KMT2C: variants seen among roughly 807,000 people sequenced by gnomAD.
KMT2C encodes the protein lysine methyltransferase 2C.
A neutral mutation model predicts 507.9 loss-of-function variants in KMT2C; 88 were observed. That is an observed-to-expected ratio of 0.17 (90% CI 0.15 to 0.21). The LOEUF (loss-of-function observed/expected upper bound fraction) is 0.21, where lower values mean the gene tolerates loss of function less well. Among genes scored for constraint, KMT2C ranks in the 10% least tolerant of loss-of-function variants. The pLI is 1.00. For missense variants in KMT2C, 4,954 were observed against 5,957.8 expected (o/e 0.83, Z 5.55); for synonymous variants, 2,049 against 2,080.8 (o/e 0.98, Z 0.42).
chr7:152,205,395 C>CAAAAAAAAA (rs35077313), intron 24 of KMT2C, among the ~76,000 whole-genome samples, 170 bp from the exon 25 acceptor site: 1 of 57,190 alleles, frequency 1.7e-5, no homozygotes, highest in Admixed American at 1.9e-4. Flanking sequence ...TAAAAACGAC[C>CAAAAAAAAA]AAAAAAAAAA....
At chr7:152,275,404 C>T (rs1186219163) in intron 6 of KMT2C, among the ~76,000 whole-genome samples, 2 of 152,080 alleles carry the variant, frequency 1.3e-5, no homozygotes, top group Admixed American at 1.3e-4. Flanking sequence ...ATTAGCCAGA[C>T]GTGGTGGCGG....
intron 2 of KMT2C, among the ~76,000 whole-genome samples, chr7:152,345,574 G>T (rs2097050392): frequency 6.6e-6 from 1 of 152,138 alleles, no homozygotes; most frequent in Non-Finnish European, 1.5e-5. Context: ...GCCCAGGCTG[G>T]AGTGCAATGG....
At chr7:152,172,495 A>G (rs770741028) in intron 39 of KMT2C, among the ~76,000 whole-genome samples, 8 of 152,200 alleles carry the variant, frequency 5.3e-5, no homozygotes, top group Non-Finnish European at 1.2e-4. Flanking sequence ...CAGAAGTTCA[A>G]GAACAGCCTG....
chr7:152,167,402 T>A, intron 41 of KMT2C, 24 bp from the exon 42 acceptor site: 1 of 1,511,772 alleles, frequency 6.6e-7, no homozygotes, highest in Non-Finnish European at 9.2e-7. Flanking sequence ...AAAATTCAGT[T>A]GTGTTAATTT....
intron 1 of KMT2C, among the ~76,000 whole-genome samples, chr7:152,432,567 C>A (rs1261119339): frequency 6.6e-6 from 1 of 152,074 alleles, no homozygotes; most frequent in Non-Finnish European, 1.5e-5. Context: ...AATAGGAAAC[C>A]TCTATGTATT....
At chr7:152,409,386 T>C (rs897843819) in intron 1 of KMT2C, among the ~76,000 whole-genome samples, 6 of 152,036 alleles carry the variant, frequency 3.9e-5, no homozygotes, top group African/African-American at 1.4e-4. Context: ...TGTAATTAAA[T>C]TCTGGTAATC....
rs75191113 is a variant in KMT2C, at chr7:152,162,203, G to C, written c.11374C>G (p.Gln3792Glu). 1.2e-6 allele frequency: 2 copies of C among 1,613,308 alleles called. No homozygotes were observed. The change falls in exon 43 of 59, where the codon CAA becomes GAA. Residue 3792 changes from glutamine (Q) to glutamate (E), a missense_variant. Gln to Glu is a conservative substitution (Grantham distance 29, BLOSUM62 2). Coordinates refer to ENST00000262189, the MANE Select transcript of KMT2C (RefSeq NM_170606.3). ...KNKKSSSLLN[Q>E]KPEGSICSED... ...GAACAAATACTGCCCTCAGGTTTTT[G>C]ATTCAAAAGAGAAGATGACTTTTTA...
At chr7:152,147,992 G>T in intron 52 of KMT2C, 41 bp downstream of exon 52, 1 of 1,503,076 alleles carries the variant, frequency 6.7e-7, no homozygotes, top group South Asian at 1.4e-5. Context: ...CCTGACATCA[G>T]AGTAAGTAGC....
intron 6 of KMT2C, among the ~76,000 whole-genome samples, chr7:152,282,730 ATTAT>A (rs2096241601): frequency 1.3e-5 from 2 of 152,112 alleles, no homozygotes; most frequent in East Asian, 3.9e-4. Flanking sequence ...CTGGGGCGCT[ATTAT>A]TTGTTTCCTG....
At chr7:152,328,124 G>A (rs937518936) in intron 3 of KMT2C, among the ~76,000 whole-genome samples, 3 of 152,014 alleles carry the variant, frequency 2.0e-5, no homozygotes, top group African/African-American at 7.2e-5. Flanking sequence ...AATAATAAGT[G>A]CCACAAAGAA....
rs752830725 is a variant in KMT2C, at chr7:152,150,918, C to T, written c.12756G>A (p.Ala4252=). The change falls in exon 51 of 59, where the codon GCG becomes GCA. Residue 4252 remains alanine, a synonymous_variant. Transcript: ENST00000262189. ...ATCTCACCTTGTTTTCTGAGTTTTT[C>T]GCTTGTGCAGTTGATGAATAAAGAA... ...CFILYSSTAQ[A]KNSENKESIP... is the part of the protein sequence containing the mutation. 14 of 1,610,246 alleles carry T rather than the reference C, an allele frequency of 8.7e-6. No individual in the cohort carries two copies. The highest frequency in any genetic ancestry group is 6.6e-5 in the South Asian group (6 of 90,908).
intron 2 of KMT2C, among the ~76,000 whole-genome samples, chr7:152,354,349 G>C (rs1195725861): frequency 2.0e-5 from 3 of 152,128 alleles, no homozygotes; most frequent in African/African-American, 7.2e-5. Flanking sequence ...GAAAATTCAA[G>C]AACACAATAC....
intron 1 of KMT2C, among the ~76,000 whole-genome samples, chr7:152,416,705 CAGA>C (rs2097741393): frequency 1.4e-5 from 2 of 141,916 alleles, no homozygotes; most frequent in African/African-American, 5.3e-5. Flanking sequence ...GCCTGGGTGA[CAGA>C]ACAAGACTCT....
intron 26 of KMT2C, among the ~76,000 whole-genome samples, chr7:152,199,925 A>C (rs1207604879): frequency 6.6e-6 from 1 of 152,178 alleles, no homozygotes. Context: ...GTTTAGCCAT[A>C]CTATGTGTGC....
chr7:152,239,748 G>T (rs1434565976), intron 14 of KMT2C, among the ~76,000 whole-genome samples: 2 of 151,990 alleles, frequency 1.3e-5, no homozygotes, highest in African/African-American at 4.8e-5. Context: ...AACAATAAAA[G>T]AATATATTTT....
At chr7:152,159,886 T>C (rs1251736627) in intron 43 of KMT2C, among the ~76,000 whole-genome samples, 2 of 152,228 alleles carry the variant, frequency 1.3e-5, no homozygotes, top group Admixed American at 1.3e-4. Flanking sequence ...ATTGAATCTC[T>C]GACGGTTCTG....
At chr7:152,243,286 G>A (rs2360891) in intron 14 of KMT2C, among the ~76,000 whole-genome samples, 6,781 of 152,164 alleles carry the variant, frequency 0.045, 237 homozygotes, top group African/African-American at 0.089. Flanking sequence ...GAACTAAAAG[G>A]AAAGTCTGGT....
chr7:152,173,156 C>T (rs886969297), intron 39 of KMT2C, among the ~76,000 whole-genome samples: 2 of 152,064 alleles, frequency 1.3e-5, no homozygotes, highest in African/African-American at 2.4e-5. Context: ...CTCAAAAATG[C>T]TTCTTAACCA....
chr7:152,177,891 T>A lies in KMT2C; in HGVS notation c.7562A>T (p.Asp2521Val), dbSNP rs1241211120. Reference protein sequence around the residue: ...SPQLRRSVSVDMPRPLNNSQM... With the variant: ...SPQLRRSVSVVMPRPLNNSQM... ...TGAGTTATTTAAAGGCCTAGGCATA[T>A]CTACAGATACTGATCTTCTTAGCTG... The change falls in exon 38 of 59, where the codon GAT becomes GTT. Residue 2521 changes from aspartate to valine, a missense_variant. By Grantham distance (152) the Asp-to-Val change is radical. Coordinates refer to ENST00000262189, the MANE Select transcript of KMT2C (RefSeq NM_170606.3). The A allele has an allele frequency of 8.1e-6, 13 of 1,613,460 alleles. 1 individual carries two copies. The South Asian group carries it at 1.1e-4, about 14-fold the overall frequency.
Sources: allele counts gnomAD v4.1 joint callset (sites outside exome capture counted in the v4.1 genomes callset), GRCh38; gene constraint gnomAD v4.1.1; transcripts MANE v1.5; gene names NCBI Gene and HGNC (gene_info 2026-07-23, HGNC 2026-07-21).